Variants in CPD observed in about 807,000 individuals in gnomAD.
CPD encodes the protein metallocarboxypeptidase D.
Under a neutral mutation model 138.3 loss-of-function variants are expected in CPD, and 69 were observed. The ratio of observed to expected loss-of-function variants is 0.50; its 90% confidence interval spans 0.41 to 0.61. The LOEUF (loss-of-function observed/expected upper bound fraction) is 0.61. Ranked by LOEUF, CPD falls within the 20% of genes least tolerant of loss-of-function variation. The pLI is 0.00. For synonymous variants in CPD, 651 were observed against 642.1 expected, an observed-to-expected ratio of 1.01 and a Z score of -0.21; for missense variants, 1,432 against 1,733.3, an observed-to-expected ratio of 0.83 and a Z score of 3.09.
intron 6 of CPD, 130 bp downstream of exon 6, chr17:30,423,827 T>A: frequency 1.5e-6 from 1 of 663,118 alleles, no homozygotes; most frequent in Non-Finnish European, 2.4e-6. Flanking sequence ...TATGATTGAT[T>A]TTAGCTCTTG....
intron 8 of CPD, among the ~76,000 whole-genome samples, chr17:30,437,217 G>C (rs954163469): frequency 6.6e-6 from 1 of 152,044 alleles, no homozygotes; most frequent in Admixed American, 6.6e-5. Flanking sequence ...ATTATGGTGG[G>C]TGGTTATACA....
At chr17:30,455,567 T>A (rs1826159817) in intron 15 of CPD, 97 bp downstream of exon 15, 2 of 1,375,346 alleles carry the variant, frequency 1.5e-6, no homozygotes, top group Admixed American at 4.4e-5. Flanking sequence ...ATAGTGAGCA[T>A]TTGAGCACAC....
chr17:30,444,626 G>GT (rs1912980190), intron 11 of CPD, among the ~76,000 whole-genome samples: 1 of 150,974 alleles, frequency 6.6e-6, no homozygotes, highest in Non-Finnish European at 1.5e-5. Flanking sequence ...TGGGTTCAAG[G>GT]GATGCTTGTG....
chr17:30,431,224 G>T (rs778593430), intron 7 of CPD, among the ~76,000 whole-genome samples: 3 of 152,164 alleles, frequency 2.0e-5, no homozygotes, highest in African/African-American at 7.2e-5. Context: ...TAATGATGCC[G>T]AGGATCTTTT....
chr17:30,458,374 TTTG>T (rs776293615), intron 17 of CPD, among the ~76,000 whole-genome samples: 2 of 152,216 alleles, frequency 1.3e-5, no homozygotes, highest in Non-Finnish European at 2.9e-5. Flanking sequence ...TGTACCTGTT[TTTG>T]TTGTTGTTGC....
chr17:30,410,996 T>G (rs1266693986), intron 2 of CPD, among the ~76,000 whole-genome samples: 1 of 152,298 alleles, frequency 6.6e-6, no homozygotes, highest in African/African-American at 2.4e-5. Flanking sequence ...TGGCTGGTAC[T>G]GGTTGCTCTT....
chr17:30,405,495 G>A (rs1370517479), intron 2 of CPD, among the ~76,000 whole-genome samples: 1 of 152,098 alleles, frequency 6.6e-6, no homozygotes, highest in African/African-American at 2.4e-5. Context: ...AACTCCACCA[G>A]TATTTTTTGC....
intron 2 of CPD, among the ~76,000 whole-genome samples, chr17:30,389,283 T>G (rs760556919): frequency 1.2e-4 from 18 of 152,212 alleles, no homozygotes; most frequent in African/African-American, 2.2e-4. Context: ...CTACCAGTGT[T>G]TCTTGTATAT....
chr17:30,420,918 C>A lies in CPD; in HGVS notation c.1072C>A (p.Pro358Thr). 6.2e-7 allele frequency: 1 copy of A among 1,613,694 alleles called. No homozygotes were observed. Among genetic ancestry groups the A allele is most frequent in the African/African-American group, 1.3e-5 (1 of 75,024 alleles). Residue 358 changes from proline to threonine, a missense_variant, in exon 3 of 21, where the codon CCT (proline) becomes ACT (threonine). By Grantham distance (38) the Pro-to-Thr change is conservative. Around this residue, in one of 6 missense-constraint regions of CPD, gnomAD observed 160 missense variants for 197.9 expected, o/e 0.81. Transcript: ENST00000225719. The stretch of plus-strand genomic sequence containing the variant: ...AGAACTGTCTTGTTGCAAGTACCCA[C>A]CTGCTTCACAGCTTCGACAGGAATG... ...TLELSCCKYP[P>T]ASQLRQEWEN...
At chr17:30,387,870 C>A (rs1911236176) in intron 2 of CPD, among the ~76,000 whole-genome samples, 1 of 152,172 alleles carries the variant, frequency 6.6e-6, no homozygotes, top group Admixed American at 6.5e-5. Context: ...AAGTTCTTGT[C>A]CTGCATCCAG....
At chr17:30,380,443 C>G in intron 1 of CPD, 1 of 1,233,236 alleles carries the variant, frequency 8.1e-7, no homozygotes, top group Non-Finnish European at 1.0e-6. Flanking sequence ...ATCTGTGAGC[C>G]GCTTCATTTT....
intron 2 of CPD, among the ~76,000 whole-genome samples, chr17:30,386,500 T>A (rs1911191591): frequency 6.6e-6 from 1 of 152,172 alleles, no homozygotes; most frequent in African/African-American, 2.4e-5. Flanking sequence ...TAGAGCTCAG[T>A]GGTACTAATT....
intron 2 of CPD, among the ~76,000 whole-genome samples, chr17:30,392,114 A>AT (rs1405567254): frequency 6.7e-6 from 1 of 150,190 alleles, no homozygotes; most frequent in Non-Finnish European, 1.5e-5. Flanking sequence ...GGTTCCAGCG[A>AT]TTCTCCTGCC....
intron 2 of CPD, among the ~76,000 whole-genome samples, chr17:30,411,378 A>G (rs1363603159): frequency 6.6e-6 from 1 of 152,046 alleles, no homozygotes; most frequent in Non-Finnish European, 1.5e-5. Context: ...GGTGGTCTCC[A>G]TATTTCCTGA....
At chr17:30,384,655 A>G (rs1223379655) in intron 1 of CPD, among the ~76,000 whole-genome samples, 1 of 152,212 alleles carries the variant, frequency 6.6e-6, no homozygotes, top group Non-Finnish European at 1.5e-5. Flanking sequence ...CTAATACATG[A>G]ATTTAGAATT....
intron 6 of CPD, among the ~76,000 whole-genome samples, chr17:30,425,792 C>G (rs1035298504): frequency 1.3e-5 from 2 of 152,046 alleles, no homozygotes; most frequent in African/African-American, 4.8e-5. Context: ...AATATTTTTC[C>G]TCCCAGATTA....
intron 2 of CPD, among the ~76,000 whole-genome samples, chr17:30,411,635 C>T (rs1911971183): frequency 2.0e-5 from 3 of 152,144 alleles, no homozygotes; most frequent in Admixed American, 2.0e-4. Context: ...AGCCTTTCTT[C>T]CACTTAATCG....
chr17:30,447,323 T>A (rs925806672), intron 12 of CPD, among the ~76,000 whole-genome samples: 1 of 152,198 alleles, frequency 6.6e-6, no homozygotes, highest in African/African-American at 2.4e-5. Flanking sequence ...AACATGTAAG[T>A]CTTTAATCCA....
At chr17:30,464,066 A>G (rs958529770) in intron 20 of CPD, among the ~76,000 whole-genome samples, 8 of 151,236 alleles carry the variant, frequency 5.3e-5, no homozygotes, top group African/African-American at 2.0e-4. Context: ...ATGGTAAAAG[A>G]AAAAAAATAC....
Sources: allele counts gnomAD v4.1 joint callset (sites outside exome capture counted in the v4.1 genomes callset), GRCh38; gene constraint gnomAD v4.1.1; regional missense constraint gnomAD v4.1.1; transcripts MANE v1.5; gene names NCBI Gene and HGNC (gene_info 2026-07-23, HGNC 2026-07-21).